HTR2A: variants seen among roughly 807,000 people sequenced by gnomAD.
HTR2A encodes the protein 5-hydroxytryptamine receptor 2A, also known as 5-HT2 receptor.
In HTR2A, 14 loss-of-function variants were observed where a neutral mutation model predicts 31.0. The ratio of observed to expected loss-of-function variants is 0.45; its 90% confidence interval spans 0.30 to 0.71. HTR2A has a LOEUF of 0.71. Ranked by LOEUF, HTR2A falls within the 30% of genes least tolerant of loss-of-function variation. HTR2A has a pLI of 0.09. For missense variants in HTR2A, 442 were observed against 573.3 expected, an observed-to-expected ratio of 0.77 and a Z score of 2.34; for synonymous variants, 209 against 225.2, an observed-to-expected ratio of 0.93 and a Z score of 0.64.
intron 3 of HTR2A, among the ~76,000 whole-genome samples, chr13:46,872,073 G>A (rs1329448213): frequency 6.6e-6 from 1 of 152,018 alleles, no homozygotes; most frequent in Non-Finnish European, 1.5e-5. Flanking sequence ...AATATGAGAA[G>A]GTACTTTTTT....
chr13:46,838,977 TACACACACAC>T (rs67738033), intron 3 of HTR2A, among the ~76,000 whole-genome samples: 2 of 140,806 alleles, frequency 1.4e-5, no homozygotes, highest in African/African-American at 2.7e-5. Context: ...GACACACACA[TACACACACAC>T]ACACACACAC....
chr13:46,859,203 C>G (rs556838366), intron 3 of HTR2A, among the ~76,000 whole-genome samples: 1 of 152,080 alleles, frequency 6.6e-6, no homozygotes, highest in Non-Finnish European at 1.5e-5. Flanking sequence ...AAGAGAAGTA[C>G]CTATAATTTG....
upstream of HTR2A, among the ~76,000 whole-genome samples, chr13:46,897,764 C>G (rs1006669562): frequency 2.6e-5 from 4 of 152,198 alleles, no homozygotes; most frequent in Non-Finnish European, 5.9e-5. Flanking sequence ...TGGACAAATT[C>G]AACCACTCTC....
At chr13:46,885,448 T>A (rs1593443669) in intron 3 of HTR2A, among the ~76,000 whole-genome samples, 1 of 152,344 alleles carries the variant, frequency 6.6e-6, no homozygotes, top group East Asian at 1.9e-4. Flanking sequence ...GGAAACTGGA[T>A]AATGGAAACA....
At chr13:46,853,282 C>T (rs1339235792) in intron 3 of HTR2A, among the ~76,000 whole-genome samples, 2 of 152,106 alleles carry the variant, frequency 1.3e-5, no homozygotes, top group East Asian at 3.9e-4. Context: ...GAAATGTGGG[C>T]TCCCAGATCC....
intron 3 of HTR2A, among the ~76,000 whole-genome samples, chr13:46,869,586 A>G (rs1200872534): frequency 6.6e-6 from 1 of 152,130 alleles, no homozygotes; most frequent in Non-Finnish European, 1.5e-5. Flanking sequence ...ATATTCCCCA[A>G]AGAATTAAAA....
At chr13:46,866,791 C>T (rs928297618) in intron 3 of HTR2A, among the ~76,000 whole-genome samples, 1 of 152,162 alleles carries the variant, frequency 6.6e-6, no homozygotes, top group Non-Finnish European at 1.5e-5. Context: ...CTTTGGGAGG[C>T]CAAGGTGGGT....
intron 3 of HTR2A, among the ~76,000 whole-genome samples, chr13:46,871,522 C>A (rs1950863166): frequency 6.6e-6 from 1 of 152,080 alleles, no homozygotes; most frequent in Non-Finnish European, 1.5e-5. Context: ...AGAAAATAAA[C>A]AAGCAATTCA....
intron 3 of HTR2A, among the ~76,000 whole-genome samples, chr13:46,880,923 C>T (rs941754277): frequency 6.6e-6 from 1 of 152,158 alleles, no homozygotes; most frequent in African/African-American, 2.4e-5. Context: ...TTTCCAGTGG[C>T]CATGGATCAT....
At chr13:46,886,831 AGTAGTCT>A (rs771721839) in intron 3 of HTR2A, among the ~76,000 whole-genome samples, 10 of 152,238 alleles carry the variant, frequency 6.6e-5, no homozygotes, top group Non-Finnish European at 1.0e-4. Flanking sequence ...GAGAGTTAGC[AGTAGTCT>A]TACGATGTTG....
At chr13:46,886,749 C>T (rs1951009441) in intron 3 of HTR2A, among the ~76,000 whole-genome samples, 1 of 152,094 alleles carries the variant, frequency 6.6e-6, no homozygotes, top group Non-Finnish European at 1.5e-5. Context: ...CAAGGTAATA[C>T]TATGAGCTAC....
At chr13:46,875,009 TAGAA>T (rs1446939547) in intron 3 of HTR2A, among the ~76,000 whole-genome samples, 1 of 152,192 alleles carries the variant, frequency 6.6e-6, no homozygotes, top group Non-Finnish European at 1.5e-5. Context: ...ACCCTTATCA[TAGAA>T]AGATGGATTA....
upstream of HTR2A, among the ~76,000 whole-genome samples, chr13:46,897,616 C>T (rs1593448681): frequency 6.6e-6 from 1 of 152,190 alleles, no homozygotes; most frequent in African/African-American, 2.4e-5. Flanking sequence ...ACTTGCCTTA[C>T]TTGTAAAGAA....
chr13:46,856,955 C>T (rs1190330619), intron 3 of HTR2A, among the ~76,000 whole-genome samples: 2 of 152,090 alleles, frequency 1.3e-5, no homozygotes, highest in Non-Finnish European at 2.9e-5. Flanking sequence ...CATCTTCATC[C>T]ATTCAGGCTG....
chr13:46,853,108 T>C (rs569632224), intron 3 of HTR2A, among the ~76,000 whole-genome samples: 133 of 152,324 alleles, frequency 8.7e-4, no homozygotes, highest in African/African-American at 3.0e-3. Context: ...GCTTCTCATA[T>C]GCCTAGAAAT....
At chr13:46,838,834 C>T (rs1439845236) in intron 3 of HTR2A, among the ~76,000 whole-genome samples, 1 of 152,138 alleles carries the variant, frequency 6.6e-6, no homozygotes, top group East Asian at 1.9e-4. Flanking sequence ...AAGGAAGTAA[C>T]TACCTTGAGA....
intron 3 of HTR2A, among the ~76,000 whole-genome samples, chr13:46,858,096 G>T (rs922011729): frequency 6.6e-6 from 1 of 152,116 alleles, no homozygotes; most frequent in African/African-American, 2.4e-5. Flanking sequence ...TTGGGTGGAG[G>T]TGCAAGTAAG....
chr13:46,835,055 T>G lies in HTR2A; in HGVS notation c.1198A>C (p.Lys400Gln), dbSNP rs753293644. The change falls in exon 4 of 4, where the codon AAG (lysine) becomes CAG (glutamine). Residue 400 changes from lysine to glutamine, a missense_variant. Lys to Gln is a moderately conservative substitution (Grantham distance 53). Transcript: ENST00000542664. ...AACTGCAATGGTTTTTTGTTTTCCT[T>G]GTACTGACACTGAATATACCGTGAA... ...AFSRYIQCQY[K>Q]ENKKPLQLIL... 2 of 1,614,148 alleles carry G rather than the reference T, an allele frequency of 1.2e-6. No individual in the cohort carries two copies. Among genetic ancestry groups the G allele is most frequent in the Non-Finnish European group, 1.7e-6 (2 of 1,179,994 alleles).
At chr13:46,880,986 T>C (rs553294020) in intron 3 of HTR2A, among the ~76,000 whole-genome samples, 5 of 152,350 alleles carry the variant, frequency 3.3e-5, no homozygotes, top group African/African-American at 1.2e-4. Flanking sequence ...AAGATGAGGC[T>C]GAAGTCTGCC....
Sources: allele counts gnomAD v4.1 joint callset (sites outside exome capture counted in the v4.1 genomes callset), GRCh38; gene constraint gnomAD v4.1.1; transcripts MANE v1.5; gene names NCBI Gene and HGNC (gene_info 2026-07-23, HGNC 2026-07-21).